The following NRXN1 variants were observed in gnomAD, a reference collection of about 807,000 sequenced individuals.
NRXN1 encodes the protein neurexin-1.
Under a neutral mutation model 150.9 loss-of-function variants are expected in NRXN1, and 39 were observed. The observed-to-expected ratio is 0.26, with a 90% CI of 0.20 to 0.34. The LOEUF (loss-of-function observed/expected upper bound fraction) is 0.34, where lower values mean the gene tolerates loss of function less well. Ranked by LOEUF, NRXN1 falls within the 10% of genes least tolerant of loss-of-function variation. The pLI is 1.00. For missense variants in NRXN1, 1,815 were observed against 1,949.9 expected (o/e 0.93, Z 1.30); for synonymous variants, 924 against 757.0 (o/e 1.22, Z -3.62).
At chr2:50,652,363 A>C (rs1261013482) in intron 5 of NRXN1, among the ~76,000 whole-genome samples, 2 of 152,054 alleles carry the variant, frequency 1.3e-5, no homozygotes, top group African/African-American at 4.8e-5. Context: ...CACCAAAAAG[A>C]AACTTTGTGC....
chr2:50,596,347 C>T (rs564643513), intron 8 of NRXN1, among the ~76,000 whole-genome samples: 8 of 152,138 alleles, frequency 5.3e-5, no homozygotes, highest in Non-Finnish European at 7.3e-5. Flanking sequence ...ACATCATTCA[C>T]GATCTATCCC....
intron 5 of NRXN1, among the ~76,000 whole-genome samples, chr2:50,712,820 T>G (rs1480340894): frequency 6.6e-6 from 1 of 152,194 alleles, no homozygotes; most frequent in African/African-American, 2.4e-5. Context: ...CAGCCAAAGA[T>G]GACATTAACA....
intron 5 of NRXN1, among the ~76,000 whole-genome samples, chr2:50,865,579 A>AGT (rs1676763792): frequency 2.1e-5 from 2 of 93,880 alleles, no homozygotes; most frequent in Admixed American, 2.3e-4. Flanking sequence ...CAAATATATA[A>AGT]ATGTGTGTGT....
chr2:50,695,530 G>GT (rs1692697804), intron 5 of NRXN1, among the ~76,000 whole-genome samples: 1 of 152,194 alleles, frequency 6.6e-6, no homozygotes, highest in Non-Finnish European at 1.5e-5. Context: ...TTCATAGTAA[G>GT]TAACATTAGT....
intron 2 of NRXN1, among the ~76,000 whole-genome samples, chr2:51,000,309 G>C (rs1699867522): frequency 6.6e-6 from 1 of 151,870 alleles, no homozygotes; most frequent in Non-Finnish European, 1.5e-5. Context: ...TCTTTATAGA[G>C]CTTGCCATTT....
chr2:50,359,577 G>A (rs1399783413), intron 17 of NRXN1, among the ~76,000 whole-genome samples: 1 of 151,366 alleles, frequency 6.6e-6, no homozygotes, highest in Non-Finnish European at 1.5e-5. Flanking sequence ...GAAAAGGAAC[G>A]AACAAAGCCT....
chr2:50,595,576 G>C (rs182295509), intron 8 of NRXN1, among the ~76,000 whole-genome samples: 1 of 152,274 alleles, frequency 6.6e-6, no homozygotes, highest in Non-Finnish European at 1.5e-5. Flanking sequence ...TTGAGGCTAT[G>C]AGTGTGGCAA....
intron 3 of NRXN1, among the ~76,000 whole-genome samples, chr2:50,923,701 T>C (rs1686430978): frequency 6.6e-6 from 1 of 151,866 alleles, no homozygotes; most frequent in South Asian, 2.1e-4. Flanking sequence ...GTTAGAGAAA[T>C]ACACATTTAT....
chr2:50,440,678 C>T (rs1457581946), intron 17 of NRXN1, among the ~76,000 whole-genome samples: 2 of 151,992 alleles, frequency 1.3e-5, no homozygotes, highest in Non-Finnish European at 2.9e-5. Context: ...TGCATTGCTG[C>T]CTCTCTTTCC....
At chr2:50,725,642 T>C (rs1217412965) in intron 5 of NRXN1, among the ~76,000 whole-genome samples, 3 of 152,072 alleles carry the variant, frequency 2.0e-5, no homozygotes, top group Non-Finnish European at 4.4e-5. Context: ...ACATAGAAAA[T>C]GCCCTTCTTA....
chr2:50,916,310 G>A (rs978279464), intron 5 of NRXN1, among the ~76,000 whole-genome samples: 1 of 150,970 alleles, frequency 6.6e-6, no homozygotes, highest in Non-Finnish European at 1.5e-5. Flanking sequence ...ATTTTTAGAA[G>A]ATCTCTAATA....
intron 5 of NRXN1, among the ~76,000 whole-genome samples, chr2:50,787,678 C>T (rs898011850): frequency 6.6e-6 from 1 of 151,232 alleles, no homozygotes; most frequent in Non-Finnish European, 1.5e-5. Flanking sequence ...TCTCCTTGGC[C>T]ACTTCTTGAA....
At chr2:50,334,823 A>G (rs904698509) in intron 17 of NRXN1, among the ~76,000 whole-genome samples, 2 of 152,232 alleles carry the variant, frequency 1.3e-5, no homozygotes, top group African/African-American at 2.4e-5. Flanking sequence ...GCTGGCACTT[A>G]CATACCACTA....
intron 16 of NRXN1, among the ~76,000 whole-genome samples, chr2:50,470,717 G>A (rs1303124278): frequency 6.6e-6 from 1 of 151,710 alleles, no homozygotes; most frequent in East Asian, 1.9e-4. Flanking sequence ...CAGTATTACA[G>A]GAGAGGCAGC....
At chr2:50,214,639 TAGAG>T (rs1389195063) in intron 18 of NRXN1, among the ~76,000 whole-genome samples, 3 of 151,994 alleles carry the variant, frequency 2.0e-5, no homozygotes, top group Admixed American at 6.6e-5. Flanking sequence ...AACTCTTAAA[TAGAG>T]AGCTTGACTT....
intron 5 of NRXN1, among the ~76,000 whole-genome samples, chr2:50,789,384 G>T (rs1705618856): frequency 6.6e-6 from 1 of 152,124 alleles, no homozygotes; most frequent in South Asian, 2.1e-4. Context: ...AAAGATTCTA[G>T]CTCTATTCAA....
intron 5 of NRXN1, among the ~76,000 whole-genome samples, chr2:50,730,638 T>C (rs945473435): frequency 6.6e-6 from 1 of 151,764 alleles, no homozygotes; most frequent in African/African-American, 2.4e-5. Context: ...TCGTCCACTT[T>C]GACTACAAAA....
chr2:50,063,547 GACACACAC>G (rs3046664), intron 19 of NRXN1, among the ~76,000 whole-genome samples: 1,749 of 137,592 alleles, frequency 0.013, 46 homozygotes, highest in African/African-American at 0.045. Context: ...CACCTCAACA[GACACACAC>G]ACACACACAC....
chr2:50,815,614 C>T (rs1321344640), intron 5 of NRXN1, among the ~76,000 whole-genome samples: 1 of 151,794 alleles, frequency 6.6e-6, no homozygotes, highest in Non-Finnish European at 1.5e-5. Context: ...ATTTTGTGGT[C>T]CCTTAATAAA....
Sources: gnomAD v4.1 joint callset for allele counts (sites outside exome capture counted in the v4.1 genomes callset) on GRCh38, gnomAD v4.1.1 for gene constraint, MANE v1.5 for transcripts, NCBI Gene and HGNC (gene_info 2026-07-23, HGNC 2026-07-21) for gene names.